The following VPS13C variants were observed in gnomAD, a reference collection of about 807,000 sequenced individuals.
VPS13C encodes intermembrane lipid transfer protein VPS13C.
Under a neutral mutation model 456.8 loss-of-function variants are expected in VPS13C, and 358 were observed. The ratio of observed to expected loss-of-function variants is 0.78; its 90% CI spans 0.72 to 0.86. The LOEUF (loss-of-function observed/expected upper bound fraction) is 0.86. Ranked by LOEUF, VPS13C falls within the 40% of genes least tolerant of loss-of-function variation. The probability of loss-of-function intolerance (pLI) is 0.00; values close to 1 mark genes in which losing one functional copy is unlikely to be tolerated. For missense variants in VPS13C, 4,818 were observed against 4,385.4 expected, an observed-to-expected ratio of 1.10 and a Z score of -2.79; for synonymous variants, 1,578 against 1,486.7, an observed-to-expected ratio of 1.06 and a Z score of -1.41.
intron 22 of VPS13C, among the ~76,000 whole-genome samples, chr15:61,979,772 A>G (rs1260214135): frequency 2.0e-5 from 3 of 152,240 alleles, no homozygotes; most frequent in Admixed American, 6.5e-5. Flanking sequence ...TTTAATCAAC[A>G]GAAGCCAAAA....
At chr15:62,049,316 A>C (rs2048538977) in intron 1 of VPS13C, among the ~76,000 whole-genome samples, 1 of 152,168 alleles carries the variant, frequency 6.6e-6, no homozygotes, top group African/African-American at 2.4e-5. Flanking sequence ...TCAGCTTTCT[A>C]CATATGGCTA....
At chr15:61,870,197 G>A (rs909450167) in intron 79 of VPS13C, among the ~76,000 whole-genome samples, 7 of 151,964 alleles carry the variant, frequency 4.6e-5, no homozygotes, top group Non-Finnish European at 8.8e-5. Context: ...ATTTTAAAAA[G>A]AAACCCCCTT....
intron 9 of VPS13C, among the ~76,000 whole-genome samples, chr15:62,016,989 T>C (rs1285164432): frequency 6.6e-6 from 1 of 152,136 alleles, no homozygotes; most frequent in Non-Finnish European, 1.5e-5. Flanking sequence ...TGATATCTCA[T>C]TGCGGTTTTG....
At chr15:61,896,839 C>T (rs1354846157) in intron 66 of VPS13C, among the ~76,000 whole-genome samples, 133 of 145,186 alleles carry the variant, frequency 9.2e-4, no homozygotes, top group African/African-American at 1.4e-3. Flanking sequence ...CCTCTGCAGA[C>T]TTAAATGTCC....
At chr15:61,983,420 A>G (rs981183503) in intron 20 of VPS13C, among the ~76,000 whole-genome samples, 3 of 152,218 alleles carry the variant, frequency 2.0e-5, no homozygotes, top group Non-Finnish European at 2.9e-5. Flanking sequence ...CTTGTGAACA[A>G]TATTTAAAAT....
chr15:61,886,234 G>A (rs1292565277), intron 67 of VPS13C, among the ~76,000 whole-genome samples: 1 of 152,096 alleles, frequency 6.6e-6, no homozygotes, highest in Non-Finnish European at 1.5e-5. Flanking sequence ...GATATTCCGT[G>A]TGATGACATA....
intron 4 of VPS13C, 28 bp downstream of exon 4, chr15:62,034,929 T>C (rs769701620): frequency 1.4e-6 from 2 of 1,454,952 alleles, no homozygotes; most frequent in African/African-American, 1.4e-5. Flanking sequence ...GTGATGTTAT[T>C]GAATGGTTAT....
At chr15:61,972,207 G>A (rs1415587699) in intron 27 of VPS13C, among the ~76,000 whole-genome samples, 2 of 152,072 alleles carry the variant, frequency 1.3e-5, no homozygotes, top group East Asian at 3.8e-4. Context: ...ACTTTTAAAG[G>A]CTGTAAACGT....
intron 25 of VPS13C, 54 bp downstream of exon 25, chr15:61,974,234 T>A (rs2045637610): frequency 2.7e-6 from 4 of 1,490,966 alleles, no homozygotes; most frequent in Non-Finnish European, 3.6e-6. Flanking sequence ...TGACTTTTCA[T>A]CACTGCTCTA....
chr15:62,053,778 C>T (rs2048702003), intron 1 of VPS13C, among the ~76,000 whole-genome samples: 1 of 152,182 alleles, frequency 6.6e-6, no homozygotes, highest in South Asian at 2.1e-4. Flanking sequence ...TCTTATGCTG[C>T]ACTGCTCCAA....
At chr15:62,044,125 T>C (rs897689319) in intron 2 of VPS13C, 87 bp downstream of exon 2, 4 of 842,226 alleles carry the variant, frequency 4.7e-6, no homozygotes, top group South Asian at 1.6e-5. Context: ...CTTTATCTAG[T>C]ACATGGTATC....
chr15:62,050,921 T>G (rs1454813284), intron 1 of VPS13C, among the ~76,000 whole-genome samples: 1 of 147,830 alleles, frequency 6.8e-6, no homozygotes, highest in Non-Finnish European at 1.5e-5. Context: ...ACATGAAGAG[T>G]TGGAGTCATC....
chr15:61,992,838 A>G (rs2046265733), intron 16 of VPS13C, among the ~76,000 whole-genome samples: 1 of 152,026 alleles, frequency 6.6e-6, no homozygotes, highest in Non-Finnish European at 1.5e-5. Context: ...ATTAAATCAA[A>G]TCTTGAGAGA....
At chr15:62,028,230 G>C in intron 6 of VPS13C, 128 bp downstream of exon 6, 1 of 928,950 alleles carries the variant, frequency 1.1e-6, no homozygotes, top group Non-Finnish European at 1.7e-6. Flanking sequence ...TGGTAGAGGG[G>C]GAAAACAAAA....
intron 16 of VPS13C, among the ~76,000 whole-genome samples, chr15:61,996,658 C>A (rs1475106989): frequency 1.3e-5 from 2 of 150,982 alleles, no homozygotes; most frequent in Non-Finnish European, 3.0e-5. Context: ...TAGAGAAATG[C>A]AAACTATAAA....
At position 62,000,630 on chromosome 15, in the gene VPS13C, T is replaced by TAA. The variant is rs768092345; in HGVS notation, c.1291-6_1291-5dup. ...CATCTAGAGTCTTCTCCAAGTCCTG[T>TAA]AAAAAACAGAGGCACTTATAAACAA... On this transcript the variant is annotated splice_polypyrimidine_tract_variant and splice_region_variant and intron_variant, in intron 15 of 84. Coordinates refer to ENST00000644861, the MANE Select transcript of VPS13C (RefSeq NM_020821.3). 1 of 1,593,738 alleles carries TAA rather than the reference T, an allele frequency of 6.3e-7. No individual in the cohort carries two copies. Among genetic ancestry groups the TAA allele is most frequent in the Non-Finnish European group, 8.5e-7 (1 of 1,174,376 alleles).
intron 1 of VPS13C, among the ~76,000 whole-genome samples, chr15:62,058,211 C>CGGT (rs2048864120): frequency 6.6e-6 from 1 of 152,146 alleles, no homozygotes; most frequent in South Asian, 2.1e-4. Context: ...TTTGCTACTC[C>CGGT]GGTGCGTTTT....
intron 1 of VPS13C, among the ~76,000 whole-genome samples, chr15:62,055,431 C>T (rs1401933754): frequency 2.1e-5 from 3 of 144,558 alleles, no homozygotes; most frequent in East Asian, 2.0e-4. Context: ...TTAGTGGAGA[C>T]GGGGTTTCAC....
chr15:61,872,141 C>T (rs1313636696), intron 78 of VPS13C, 107 bp from the exon 79 acceptor site: 11 of 865,420 alleles, frequency 1.3e-5, no homozygotes, highest in Middle Eastern at 2.5e-4. Context: ...ACAACAACAA[C>T]AAAAATTGAA....
Sources: gnomAD v4.1 joint callset for allele counts (sites outside exome capture counted in the v4.1 genomes callset) on GRCh38, gnomAD v4.1.1 for gene constraint, MANE v1.5 for transcripts, NCBI Gene and HGNC (gene_info 2026-07-23, HGNC 2026-07-21) for gene names.